The following LRRC53 variants were observed in gnomAD, a reference collection of about 807,000 sequenced individuals.
LRRC53 encodes the protein leucine rich repeat containing 53.
A neutral mutation model predicts 13.6 loss-of-function variants in LRRC53; 25 were observed. The observed-to-expected ratio is 1.83, with a 90% CI of 1.34 to 2.56. The LOEUF (loss-of-function observed/expected upper bound fraction) is 2.56. Ranked by LOEUF, LRRC53 falls within the 30% of genes most tolerant of loss-of-function variation. The pLI, the probability that LRRC53 is intolerant of heterozygous loss-of-function variation, is 0.00. For missense variants in LRRC53, 527 were observed against 275.8 expected (o/e 1.91, Z -6.45); for synonymous variants, 204 against 109.8 (o/e 1.86, Z -5.37).
At chr1:74,514,094 T>G (rs1309172885), upstream of LRRC53, among the ~76,000 whole-genome samples, 1 of 152,222 alleles carries the variant, frequency 6.6e-6, no homozygotes. Flanking sequence ...TAGCCAAATT[T>G]ACCCAGGCAC....
At chr1:74,499,116 T>G (rs368219994) in intron 1 of LRRC53, among the ~76,000 whole-genome samples, 2 of 152,192 alleles carry the variant, frequency 1.3e-5, no homozygotes, top group East Asian at 3.8e-4. Flanking sequence ...GCGTGCACAC[T>G]GGGTTACAAG....
chr1:74,493,059 A>G (rs45545234), intron 1 of LRRC53, among the ~76,000 whole-genome samples: 10,511 of 152,136 alleles, frequency 0.069, 856 homozygotes, highest in African/African-American at 0.2. Flanking sequence ...TTTAACCTTA[A>G]TTATCTCCTT....
chr1:74,518,117 C>A, the LRRC53 span, among the ~76,000 whole-genome samples: 3 of 152,046 alleles, frequency 2.0e-5, no homozygotes, highest in Admixed American at 2.0e-4. Flanking sequence ...CAGGAGGTTC[C>A]CAGGTAAGTC....
chr1:74,502,408 C>G (rs1570710158), intron 1 of LRRC53, among the ~76,000 whole-genome samples: 1 of 152,226 alleles, frequency 6.6e-6, no homozygotes, highest in African/African-American at 2.4e-5. Context: ...TTAGATAAAA[C>G]AGAAACTCAA....
At chr1:74,522,440 C>A in the LRRC53 span, among the ~76,000 whole-genome samples, 1 of 152,096 alleles carries the variant, frequency 6.6e-6, no homozygotes, top group Non-Finnish European at 1.5e-5. Context: ...AAAGGTAGAC[C>A]AAGGAGTACA....
intron 4 of LRRC53, among the ~76,000 whole-genome samples, chr1:74,474,491 G>A (rs1190287948): frequency 1.3e-5 from 2 of 152,064 alleles, no homozygotes; most frequent in Non-Finnish European, 2.9e-5. Flanking sequence ...AGACCCCTGT[G>A]GTAAGAATTT....
chr1:74,508,552 G>C (rs1302951718), intron 1 of LRRC53, among the ~76,000 whole-genome samples: 1 of 152,158 alleles, frequency 6.6e-6, no homozygotes, highest in Non-Finnish European at 1.5e-5. Context: ...AGAGAAAAGG[G>C]TTAAAAAATA....
At chr1:74,534,059 C>G in the LRRC53 span, among the ~76,000 whole-genome samples, 1 of 152,156 alleles carries the variant, frequency 6.6e-6, no homozygotes, top group Non-Finnish European at 1.5e-5. Context: ...AGACACCCCA[C>G]AGGGGTTTTA....
rs778191228 is a variant in LRRC53 at position 74,480,645 on chromosome 1, G to A, written c.412C>T (p.Leu138=). 2.8e-6 allele frequency: 2 copies of A among 717,190 alleles called. No homozygotes were observed. Among genetic ancestry groups the A allele is most frequent in the Admixed American group, 2.0e-5 (1 of 50,010 alleles). The allele number at this position is 717,190 out of a possible 1,614,324, so 44.4% of individuals were successfully genotyped here. The part of the protein sequence containing the change: ...RNTSGLTRLQ[L]DGNQITNLTD... ...AGATTAGTAATCTGATTCCCATCCA[G>A]CTGGAGCCGGGTCAGGCCGCTTGTG... The change falls in exon 3 of 5, where the codon CTG becomes TTG. Residue 138 remains leucine, a synonymous_variant. Coordinates refer to ENST00000294635, the MANE Select transcript of LRRC53 (RefSeq NM_001382280.1).
At chr1:74,482,371 C>G (rs545410769) in intron 2 of LRRC53, among the ~76,000 whole-genome samples, 1 of 152,292 alleles carries the variant, frequency 6.6e-6, no homozygotes, top group East Asian at 1.9e-4. Context: ...TTGTTTCTTA[C>G]AGACATCAAC....
At chr1:74,489,971 A>G (rs997753797) in intron 1 of LRRC53, among the ~76,000 whole-genome samples, 1 of 150,932 alleles carries the variant, frequency 6.6e-6, no homozygotes, top group Non-Finnish European at 1.5e-5. Flanking sequence ...GGGCAACAAT[A>G]GAGAGAAATA....
chr1:74,525,863 G>A, the LRRC53 span, among the ~76,000 whole-genome samples: 1,179 of 152,234 alleles, frequency 7.7e-3, 17 homozygotes, highest in African/African-American at 0.026. Flanking sequence ...ACACCAGAGT[G>A]GGGTAAGAAC....
chr1:74,494,211 A>G (rs913005577), intron 1 of LRRC53, among the ~76,000 whole-genome samples: 2 of 151,948 alleles, frequency 1.3e-5, no homozygotes, highest in Non-Finnish European at 1.5e-5. Flanking sequence ...ACACTCATAC[A>G]CTCCATTATC....
At chr1:74,501,470 T>TG (rs1557610523) in intron 1 of LRRC53, among the ~76,000 whole-genome samples, 1 of 143,856 alleles carries the variant, frequency 7.0e-6, no homozygotes. Context: ...GTTTTTTTTG[T>TG]TTTGTGTTTG....
At chr1:74,505,672 T>TA (rs965493765) in intron 1 of LRRC53, among the ~76,000 whole-genome samples, 9 of 152,250 alleles carry the variant, frequency 5.9e-5, no homozygotes, top group South Asian at 2.1e-4. Flanking sequence ...AATTTTCTTG[T>TA]AAAAAAACAC....
At chr1:74,483,441 A>G in intron 1 of LRRC53, 66 bp from the exon 2 acceptor site, 1 of 673,896 alleles carries the variant, frequency 1.5e-6, no homozygotes, top group African/African-American at 1.8e-5. Context: ...ATTTCTGTAC[A>G]TACAGGTCAT....
At position 74,471,968 on chromosome 1, in the gene LRRC53, C is replaced by G; in HGVS notation, c.1654G>C (p.Asp552His). The G allele has an allele frequency of 1.6e-6, 1 of 620,016 alleles. No individual in the cohort carries two copies. Among genetic ancestry groups the G allele is most frequent in the Non-Finnish European group, 2.9e-6 (1 of 343,868 alleles). 38.4% of individuals were successfully genotyped at this position (620,016 alleles called of 1,614,324 possible). Residue 552 changes from aspartate to histidine, a missense_variant, in exon 5 of 5, where the codon GAT becomes CAT. Coordinates refer to ENST00000294635, the MANE Select transcript of LRRC53 (RefSeq NM_001382280.1). ...TGTTTTAACAGTCCACAAGGATCAT[C>G]ATATTTTGATCTATTTTTTTGTACG... ...KIVQKNRSKY[D>H]DPCGLLKQSK...
intron 1 of LRRC53, among the ~76,000 whole-genome samples, chr1:74,503,887 G>A (rs1408389653): frequency 6.6e-6 from 1 of 152,156 alleles, no homozygotes; most frequent in Non-Finnish European, 1.5e-5. Flanking sequence ...TGATGTGACA[G>A]TGTGAAAGTG....
chr1:74,515,410 A>G (rs1440375898), upstream of LRRC53, among the ~76,000 whole-genome samples: 2 of 152,220 alleles, frequency 1.3e-5, no homozygotes, highest in African/African-American at 4.8e-5. Flanking sequence ...GTCAGAAAAT[A>G]AATATATGGT....
Sources: gnomAD v4.1 joint callset for allele counts (sites outside exome capture counted in the v4.1 genomes callset) on GRCh38, gnomAD v4.1.1 for gene constraint, MANE v1.5 for transcripts, NCBI Gene and HGNC (gene_info 2026-07-23, HGNC 2026-07-21) for gene names.